The following PLCB1 variants were observed in gnomAD, a reference collection of about 807,000 sequenced individuals.
The protein encoded by PLCB1 is 1-phosphatidylinositol 4,5-bisphosphate phosphodiesterase beta-1.
In PLCB1, 46 loss-of-function variants were observed where a neutral mutation model predicts 161.8. The observed-to-expected ratio is 0.28, with a 90% confidence interval of 0.22 to 0.36. The LOEUF (loss-of-function observed/expected upper bound fraction) is 0.36, where lower values mean the gene tolerates loss of function less well. Among genes scored for constraint, PLCB1 ranks in the 10% least tolerant of loss-of-function variants. The pLI, the probability that PLCB1 is intolerant of heterozygous loss-of-function variation, is 1.00. For synonymous variants in PLCB1, 517 were observed against 503.7 expected (o/e 1.03, Z -0.35); for missense variants, 1,016 against 1,472.5 (o/e 0.69, Z 5.07).
intron 3 of PLCB1, among the ~76,000 whole-genome samples, chr20:8,400,405 T>A (rs1008136384): frequency 3.9e-5 from 6 of 152,200 alleles, no homozygotes; most frequent in African/African-American, 1.4e-4. Flanking sequence ...ATGTTATTAG[T>A]CCATGTGGGT....
chr20:8,465,885 A>T (rs1256905283), intron 3 of PLCB1, among the ~76,000 whole-genome samples: 3 of 150,958 alleles, frequency 2.0e-5, no homozygotes, highest in Non-Finnish European at 4.4e-5. Flanking sequence ...GGGACTGTAA[A>T]CTAGTTCAAC....
intron 3 of PLCB1, among the ~76,000 whole-genome samples, chr20:8,452,293 C>G (rs1981107392): frequency 6.6e-6 from 1 of 151,818 alleles, no homozygotes; most frequent in African/African-American, 2.4e-5. Context: ...ACCAAAAGTT[C>G]AAAAGAAAGG....
At chr20:8,674,499 A>G (rs1200026391) in intron 9 of PLCB1, among the ~76,000 whole-genome samples, 1 of 152,208 alleles carries the variant, frequency 6.6e-6, no homozygotes, top group Admixed American at 6.5e-5. Context: ...GGTCTTGGTC[A>G]TTGACCATCC....
At chr20:8,411,328 C>G (rs1479468743) in intron 3 of PLCB1, among the ~76,000 whole-genome samples, 1 of 152,140 alleles carries the variant, frequency 6.6e-6, no homozygotes, top group East Asian at 1.9e-4. Context: ...TTAAATACAT[C>G]TTAGTGTTAA....
chr20:8,690,009 C>A (rs1990439327), intron 10 of PLCB1, among the ~76,000 whole-genome samples: 1 of 133,920 alleles, frequency 7.5e-6, no homozygotes, highest in Non-Finnish European at 1.6e-5. Context: ...GATTCATATA[C>A]CTCGTTTCTG....
intron 9 of PLCB1, among the ~76,000 whole-genome samples, chr20:8,666,897 C>T (rs1989824993): frequency 6.6e-6 from 1 of 152,152 alleles, no homozygotes; most frequent in African/African-American, 2.4e-5. Flanking sequence ...GTTGCCCTAT[C>T]ACTCTTTCTC....
chr20:8,658,524 T>C lies in PLCB1; in HGVS notation c.696-14T>C, dbSNP rs1284541115. On this transcript the variant is annotated splice_polypyrimidine_tract_variant and intron_variant, in intron 8 of 31. Coordinates refer to ENST00000338037, the MANE Select transcript of PLCB1 (RefSeq NM_015192.4). ...TTAAAAAATTCTTATTGCTTGGTTT[T>C]TCATTGTTTTTAGTGGTGCAAAAAG... 3.2e-6 allele frequency: 5 copies of C among 1,565,648 alleles called. No homozygotes were observed. In the South Asian group the frequency reaches 4.7e-5, roughly 15 times the overall value.
At chr20:8,506,310 C>A (rs1181373543) in intron 3 of PLCB1, among the ~76,000 whole-genome samples, 1 of 152,190 alleles carries the variant, frequency 6.6e-6, no homozygotes, top group Non-Finnish European at 1.5e-5. Context: ...AATAATAAGT[C>A]TATTGCCCCA....
At chr20:8,821,459 C>A (rs1178889582) in intron 31 of PLCB1, among the ~76,000 whole-genome samples, 1 of 107,016 alleles carries the variant, frequency 9.3e-6, no homozygotes, top group Non-Finnish European at 1.8e-5. Flanking sequence ...GCCTGGGCAA[C>A]AGAGCAAGAT....
intron 3 of PLCB1, among the ~76,000 whole-genome samples, chr20:8,431,684 G>A (rs1309129151): frequency 6.6e-6 from 1 of 152,144 alleles, no homozygotes; most frequent in Non-Finnish European, 1.5e-5. Flanking sequence ...CTGGGTTTCT[G>A]TATGTGTACA....
intron 3 of PLCB1, among the ~76,000 whole-genome samples, chr20:8,442,610 A>G (rs962076469): frequency 5.3e-5 from 8 of 152,218 alleles, no homozygotes; most frequent in African/African-American, 1.2e-4. Flanking sequence ...GCTCAGTCCA[A>G]TGAATATCTG....
At chr20:8,498,297 A>G (rs1162623759) in intron 3 of PLCB1, among the ~76,000 whole-genome samples, 3 of 151,556 alleles carry the variant, frequency 2.0e-5, no homozygotes, top group African/African-American at 7.3e-5. Context: ...GAGTTTCACC[A>G]TGTTGGCCAA....
chr20:8,736,874 G>A (rs1303685763), intron 19 of PLCB1, among the ~76,000 whole-genome samples, 154 bp from the exon 20 acceptor site: 1 of 152,160 alleles, frequency 6.6e-6, no homozygotes, highest in Non-Finnish European at 1.5e-5. Flanking sequence ...TTAAGTGAAA[G>A]GGAAATCATA....
chr20:8,784,676 CAG>C (rs1410723164), intron 27 of PLCB1, among the ~76,000 whole-genome samples: 1 of 151,980 alleles, frequency 6.6e-6, no homozygotes, highest in African/African-American at 2.4e-5. Context: ...ACATATTAAA[CAG>C]ATATCCTCTG....
At chr20:8,786,861 G>C (rs1428427111) in intron 27 of PLCB1, among the ~76,000 whole-genome samples, 2 of 151,850 alleles carry the variant, frequency 1.3e-5, no homozygotes, top group African/African-American at 4.8e-5. Context: ...CCACCACCAG[G>C]CCTGGCTAAC....
intron 3 of PLCB1, among the ~76,000 whole-genome samples, chr20:8,609,906 C>A (rs1227801096): frequency 4.6e-5 from 7 of 152,142 alleles, no homozygotes; most frequent in African/African-American, 1.7e-4. Flanking sequence ...TCTGTATTTG[C>A]ACACCAATAA....
intron 25 of PLCB1, 117 bp downstream of exon 25, chr20:8,760,577 C>A: frequency 4.6e-6 from 3 of 657,690 alleles, no homozygotes; most frequent in Non-Finnish European, 5.3e-6. Flanking sequence ...AATATTTCTT[C>A]TTCTAAAAAA....
At chr20:8,500,090 GATT>G (rs1983341577) in intron 3 of PLCB1, among the ~76,000 whole-genome samples, 1 of 152,112 alleles carries the variant, frequency 6.6e-6, no homozygotes, top group Non-Finnish European at 1.5e-5. Flanking sequence ...TTATAGAAAA[GATT>G]ATGACTAAAC....
At chr20:8,734,713 A>G (rs1244259970) in intron 19 of PLCB1, among the ~76,000 whole-genome samples, 2 of 152,136 alleles carry the variant, frequency 1.3e-5, no homozygotes, top group African/African-American at 2.4e-5. Flanking sequence ...TTTTTAGAAT[A>G]CATTTTACAT....
Sources: gnomAD v4.1 joint callset for allele counts (sites outside exome capture counted in the v4.1 genomes callset) on GRCh38, gnomAD v4.1.1 for gene constraint, MANE v1.5 for transcripts, NCBI Gene and HGNC (gene_info 2026-07-23, HGNC 2026-07-21) for gene names.